Variants in DPP6 observed in about 807,000 individuals in gnomAD.
DPP6 encodes the protein A-type potassium channel modulatory protein DPP6.
A neutral mutation model predicts 122.6 loss-of-function variants in DPP6; 69 were observed. The ratio of observed to expected loss-of-function variants is 0.56; its 90% CI spans 0.46 to 0.69. DPP6 has a LOEUF of 0.69. Among genes scored for constraint, DPP6 ranks in the 30% least tolerant of loss-of-function variants. The pLI is 0.00. For missense variants in DPP6, 928 were observed against 1,116.9 expected (o/e 0.83, Z 2.41); for synonymous variants, 418 against 433.1 (o/e 0.97, Z 0.43).
intron 7 of DPP6, among the ~76,000 whole-genome samples, chr7:154,691,308 T>C (rs1023508100): frequency 1.3e-5 from 2 of 152,212 alleles, no homozygotes; most frequent in Non-Finnish European, 2.9e-5. Context: ...TCCTAATTCT[T>C]GCTCATGTCT....
At chr7:154,684,627 T>TCAGC (rs1456757572) in intron 7 of DPP6, among the ~76,000 whole-genome samples, 7 of 152,254 alleles carry the variant, frequency 4.6e-5, no homozygotes, top group Non-Finnish European at 7.3e-5. Flanking sequence ...TTTAGCCTTT[T>TCAGC]CAGCCACCAC....
intron 1 of DPP6, among the ~76,000 whole-genome samples, chr7:154,104,060 C>G (rs1805957492): frequency 6.6e-6 from 1 of 152,212 alleles, no homozygotes; most frequent in African/African-American, 2.4e-5. Context: ...ACACATACAT[C>G]CCACAGATCT....
At chr7:154,368,654 C>T (rs1193118605) in intron 1 of DPP6, among the ~76,000 whole-genome samples, 1 of 152,176 alleles carries the variant, frequency 6.6e-6, no homozygotes, top group Non-Finnish European at 1.5e-5. Flanking sequence ...AATTCTCGAT[C>T]GCTGAAAATG....
rs1243416149 is a variant in DPP6 at position 154,313,727 on chromosome 7, ACG to A, written c.244-132485_244-132484del. 5.6e-4 allele frequency among the ~76,000 whole-genome samples: 28 copies of A among 50,230 alleles called. 6 individuals carry two copies. The highest frequency in any genetic ancestry group is 9.1e-4 in the African/African-American group (11 of 12,036). 33.0% of individuals were successfully genotyped at this position (50,230 alleles called of 152,430 possible). ...TATATATATATATACACACACACGC[ACG>A]CACACACACACACACACACACACCC... is the stretch of plus-strand genomic sequence containing the variant. On this transcript the variant is annotated intron_variant, in intron 1 of 25. Transcript: ENST00000377770.
intron 1 of DPP6, among the ~76,000 whole-genome samples, chr7:154,119,567 C>T (rs1441269315): frequency 4.7e-5 from 7 of 150,088 alleles, no homozygotes; most frequent in African/African-American, 1.5e-4. Flanking sequence ...GCTGTTGACT[C>T]GCCACCTTGA....
At chr7:154,099,066 C>T (rs1805542979) in intron 1 of DPP6, among the ~76,000 whole-genome samples, 1 of 151,622 alleles carries the variant, frequency 6.6e-6, no homozygotes, top group African/African-American at 2.4e-5. Flanking sequence ...AAGATAGGCA[C>T]ATATTTTGCA....
chr7:154,215,168 A>G (rs1248043233), intron 1 of DPP6, among the ~76,000 whole-genome samples: 1 of 152,168 alleles, frequency 6.6e-6, no homozygotes, highest in Non-Finnish European at 1.5e-5. Flanking sequence ...GTGATGGCGG[A>G]AGGTGGAAGG....
At chr7:153,950,923 G>A (rs770341959) in intron 1 of DPP6, among the ~76,000 whole-genome samples, 4 of 152,192 alleles carry the variant, frequency 2.6e-5, no homozygotes, top group Non-Finnish European at 4.4e-5. Flanking sequence ...GTAGGTGTGC[G>A]TGCGGTGCCC....
rs577638534 is a variant in DPP6, at chr7:154,699,579, C to T, written c.763-28188C>T. ...CAAGAGGCAGCAGCTGAGCCCAGTG[C>T]AGGGGCTCTGAGTCACCTGGGGAAC... is the stretch of plus-strand genomic sequence containing the variant. On this transcript the variant is annotated intron_variant, in intron 7 of 25. Transcript: ENST00000377770. Among the ~76,000 whole-genome samples the T allele has an allele frequency of 9.8e-5, 15 of 152,332 alleles. 2 individuals are homozygous for T. Among genetic ancestry groups the T allele is most frequent in the Admixed American group, 9.1e-4 (14 of 15,304 alleles).
intron 1 of DPP6, among the ~76,000 whole-genome samples, chr7:154,091,570 G>T (rs147046675): frequency 4.6e-5 from 7 of 151,984 alleles, no homozygotes; most frequent in African/African-American, 1.7e-4. Context: ...AAAGTCTCTC[G>T]CGGTATAACA....
At chr7:154,684,194 C>T (rs1839458074) in intron 7 of DPP6, among the ~76,000 whole-genome samples, 1 of 152,206 alleles carries the variant, frequency 6.6e-6, no homozygotes, top group South Asian at 2.1e-4. Context: ...ATCCCCCACC[C>T]CTCACCCCTA....
At chr7:154,725,680 A>G (rs1194657314) in intron 7 of DPP6, among the ~76,000 whole-genome samples, 1 of 152,162 alleles carries the variant, frequency 6.6e-6, no homozygotes, top group Non-Finnish European at 1.5e-5. Context: ...CCCCTCCCAG[A>G]TCTCATGTCC....
chr7:153,823,780 G>C, the DPP6 span, among the ~76,000 whole-genome samples: 1 of 152,028 alleles, frequency 6.6e-6, no homozygotes, highest in South Asian at 2.1e-4. Context: ...TTTATTGCAT[G>C]TAAATTATGT....
chr7:154,381,989 C>T (rs996997356), intron 1 of DPP6, among the ~76,000 whole-genome samples: 8 of 151,820 alleles, frequency 5.3e-5, no homozygotes, highest in African/African-American at 1.5e-4. Flanking sequence ...GGACAGCTTG[C>T]GCCCAGGGAA....
At chr7:153,923,822 C>G (rs1250095080) in intron 1 of DPP6, among the ~76,000 whole-genome samples, 15 of 149,610 alleles carry the variant, frequency 1.0e-4, no homozygotes. Flanking sequence ...CTGAAGGAGT[C>G]ACCCTGGTTA....
intron 1 of DPP6, among the ~76,000 whole-genome samples, chr7:154,061,842 G>T (rs1801981893): frequency 2.2e-5 from 3 of 133,646 alleles, no homozygotes; most frequent in Non-Finnish European, 3.3e-5. Context: ...TTGCTCTTAG[G>T]ATCCCCATCG....
At chr7:154,248,293 C>T (rs13223156) in intron 1 of DPP6, among the ~76,000 whole-genome samples, 5,929 of 152,238 alleles carry the variant, frequency 0.039, 191 homozygotes, top group East Asian at 0.13. Flanking sequence ...AAGAAGGCTG[C>T]GCTTCTAATA....
At chr7:153,831,967 G>A in the DPP6 span, among the ~76,000 whole-genome samples, 1 of 152,176 alleles carries the variant, frequency 6.6e-6, no homozygotes, top group Non-Finnish European at 1.5e-5. Flanking sequence ...GTTCCCTCTG[G>A]TTGCTGTCAT....
intron 1 of DPP6, among the ~76,000 whole-genome samples, chr7:153,890,188 C>T (rs1330077642): frequency 2.6e-5 from 4 of 152,220 alleles, no homozygotes; most frequent in African/African-American, 9.7e-5. Flanking sequence ...TTCTACTTTG[C>T]AGTAACAGTG....
Sources: gnomAD v4.1 joint callset for allele counts (sites outside exome capture counted in the v4.1 genomes callset) on GRCh38, gnomAD v4.1.1 for gene constraint, MANE v1.5 for transcripts, NCBI Gene and HGNC (gene_info 2026-07-23, HGNC 2026-07-21) for gene names.